The following DMXL2 variants were observed in gnomAD, a reference collection of about 807,000 sequenced individuals.
The protein encoded by DMXL2 is dmX-like protein 2.
DMXL2 carries 103 observed loss-of-function variants against 331.1 expected under a neutral mutation model. That is an observed-to-expected ratio of 0.31 (90% CI 0.27 to 0.37). The LOEUF is 0.37. DMXL2 is among the 10% of genes least tolerant of loss of function. DMXL2 has a pLI of 1.00. For synonymous variants in DMXL2, 1,281 were observed against 1,252.1 expected, an observed-to-expected ratio of 1.02 and a Z score of -0.49; for missense variants, 3,171 against 3,642.9, an observed-to-expected ratio of 0.87 and a Z score of 3.33.
intron 1 of DMXL2, among the ~76,000 whole-genome samples, chr15:51,608,398 T>C (rs1211240289): frequency 6.6e-6 from 1 of 152,188 alleles, no homozygotes; most frequent in Middle Eastern, 3.2e-3. Flanking sequence ...GGTACACATA[T>C]GCCACAGAAT....
Position 51,450,000 on chromosome 15 carries a change from G to C in DMXL2, c.8967+129C>G. ...GCATGGGGAGGCGGCAGAGTGTTGAGATATGCAGTATCTCCATGCAGTAGC... is the reference window on the plus strand; with the variant it reads ...GCATGGGGAGGCGGCAGAGTGTTGACATATGCAGTATCTCCATGCAGTAGC... On this transcript the variant is annotated intron_variant, in intron 43 of 43. Coordinates refer to ENST00000560891, the MANE Select transcript of DMXL2 (RefSeq NM_001378457.1). 4 of 786,840 alleles carry C rather than the reference G, an allele frequency of 5.1e-6. No individual in the cohort carries two copies. In the South Asian group the frequency reaches 7.2e-5, roughly 14 times the overall value. 48.7% of individuals were successfully genotyped at this position (786,840 alleles called of 1,614,324 possible).
intron 23 of DMXL2, among the ~76,000 whole-genome samples, chr15:51,483,712 C>A (rs4775945): frequency 0.75 from 114,434 of 151,868 alleles, 43,565 homozygotes; most frequent in African/African-American, 0.83. Flanking sequence ...CTGCAATCAA[C>A]GCCTGAGAAA....
At chr15:51,491,496 A>T (rs1441163650) in intron 20 of DMXL2, 82 bp downstream of exon 20, 43 of 1,387,628 alleles carry the variant, frequency 3.1e-5, no homozygotes, top group Non-Finnish European at 2.5e-5. Flanking sequence ...TTCCCACTAC[A>T]GGTTTTCTGG....
chr15:51,536,148 A>C lies in DMXL2; in HGVS notation c.2314+18T>G. The C allele has an allele frequency of 1.3e-6, 2 of 1,522,690 alleles. No individual in the cohort carries two copies. The highest frequency in any genetic ancestry group is 1.8e-6 in the Non-Finnish European group (2 of 1,135,664). The allele number at this position is 1,522,690 out of a possible 1,614,324, so 94.3% of individuals were successfully genotyped here. On this transcript the variant is annotated intron_variant, in intron 12 of 43. Transcript: ENST00000560891. Reference sequence around the variant, plus strand: ...TTTAAAAGCTTGTGTTAATTTCACAATTACAATGAACACTTACCTAGACAG... The same window carrying C: ...TTTAAAAGCTTGTGTTAATTTCACACTTACAATGAACACTTACCTAGACAG...
At chr15:51,449,223 T>C (rs2038918623) in intron 43 of DMXL2, 30 bp from the exon 44 acceptor site, 1 of 1,609,930 alleles carries the variant, frequency 6.2e-7, no homozygotes, top group Non-Finnish European at 8.5e-7. Flanking sequence ...GTTAAAAATA[T>C]ATTACGAAAA....
chr15:51,608,932 T>C (rs2053775140), intron 1 of DMXL2, among the ~76,000 whole-genome samples: 1 of 152,162 alleles, frequency 6.6e-6, no homozygotes, highest in South Asian at 2.1e-4. Flanking sequence ...TAAATCTAAG[T>C]AAGCATTGAC....
intron 13 of DMXL2, among the ~76,000 whole-genome samples, chr15:51,523,196 T>C (rs976094949): frequency 2.6e-5 from 4 of 152,346 alleles, no homozygotes; most frequent in Non-Finnish European, 4.4e-5. Context: ...AGAACTGCTA[T>C]TGTATTAAGA....
intron 6 of DMXL2, among the ~76,000 whole-genome samples, chr15:51,559,030 A>G (rs960759152): frequency 3.9e-5 from 6 of 152,238 alleles, no homozygotes; most frequent in African/African-American, 1.2e-4. Context: ...AGGAATACAC[A>G]GCACAAAAAA....
At chr15:51,557,875 T>C (rs968497325) in intron 6 of DMXL2, among the ~76,000 whole-genome samples, 7 of 152,238 alleles carry the variant, frequency 4.6e-5, no homozygotes, top group African/African-American at 1.7e-4. Context: ...TTATTTCACA[T>C]AGATTTTAGA....
At chr15:51,571,900 T>G (rs564468149) in intron 2 of DMXL2, among the ~76,000 whole-genome samples, 105 of 152,074 alleles carry the variant, frequency 6.9e-4, no homozygotes, top group African/African-American at 2.5e-3. Context: ...AGCAAACATA[T>G]TCAAAAGCTA....
rs78503405 is a variant in DMXL2 at position 51,619,513 on chromosome 15, G to A, written c.87+2946C>T. Among the ~76,000 whole-genome samples the A allele has an allele frequency of 7.0e-3, 1,073 of 152,266 alleles. 16 individuals carry two copies. Among genetic ancestry groups the A allele is most frequent in the East Asian group, 0.025 (131 of 5,188 alleles). On this transcript the variant is annotated intron_variant, in intron 1 of 43. Coordinates refer to ENST00000560891, the MANE Select transcript of DMXL2 (RefSeq NM_001378457.1). Reference sequence around the variant, plus strand: ...CAGACTGCAGTACCATGTCAATATTGCACAAATTGGGACATCACGACATCA... The same window carrying A: ...CAGACTGCAGTACCATGTCAATATTACACAAATTGGGACATCACGACATCA...
intron 42 of DMXL2, 183 bp from the exon 43 acceptor site, chr15:51,450,529 C>A (rs1025200419): frequency 6.4e-6 from 4 of 620,576 alleles, no homozygotes; most frequent in African/African-American, 5.6e-5. Context: ...TAAGCAATGT[C>A]AGAACAAACT....
intron 43 of DMXL2, 65 bp downstream of exon 43, chr15:51,450,064 G>A (rs1183180678): frequency 7.1e-7 from 1 of 1,400,166 alleles, no homozygotes; most frequent in Admixed American, 2.0e-5. Flanking sequence ...CAAAGAATGT[G>A]GAGTTTTTGT....
chr15:51,486,447 C>A (rs542750581), intron 22 of DMXL2, 110 bp from the exon 23 acceptor site: 49 of 828,986 alleles, frequency 5.9e-5, no homozygotes, highest in Non-Finnish European at 8.7e-5. Context: ...TAATGGTGGG[C>A]GAAGGGACAG....
chr15:51,497,171 T>C (rs1224967797), intron 18 of DMXL2, among the ~76,000 whole-genome samples: 2 of 152,228 alleles, frequency 1.3e-5, no homozygotes, highest in African/African-American at 4.8e-5. Flanking sequence ...ATTTTTCTTT[T>C]CCAATTAATA....
At chr15:51,614,039 A>AG (rs2054136655) in intron 1 of DMXL2, among the ~76,000 whole-genome samples, 1 of 152,128 alleles carries the variant, frequency 6.6e-6, no homozygotes, top group Non-Finnish European at 1.5e-5. Flanking sequence ...CTGTGTTTGG[A>AG]GGTAAGGCCT....
chr15:51,506,127 C>A (rs970078439), intron 16 of DMXL2, among the ~76,000 whole-genome samples: 1 of 152,132 alleles, frequency 6.6e-6, no homozygotes, highest in Non-Finnish European at 1.5e-5. Context: ...GGCTGGAGTG[C>A]GGTGGTGCAG....
chr15:51,576,995 T>C (rs534348152), intron 1 of DMXL2, among the ~76,000 whole-genome samples: 2 of 152,336 alleles, frequency 1.3e-5, no homozygotes, highest in South Asian at 4.1e-4. Flanking sequence ...ATTGCAACAC[T>C]TCTTGCTGTA....
intron 6 of DMXL2, among the ~76,000 whole-genome samples, chr15:51,551,183 G>T (rs1156976833): frequency 6.6e-6 from 1 of 151,334 alleles, no homozygotes. Context: ...TTAATCAGAT[G>T]TGGTATATTC....
Sources: allele counts gnomAD v4.1 joint callset (sites outside exome capture counted in the v4.1 genomes callset), GRCh38; gene constraint gnomAD v4.1.1; transcripts MANE v1.5; gene names NCBI Gene and HGNC (gene_info 2026-07-23, HGNC 2026-07-21).